The following IL1RAP variants were observed in gnomAD, a reference collection of about 807,000 sequenced individuals.
IL1RAP encodes interleukin-1 receptor accessory protein.
Under a neutral mutation model 60.7 loss-of-function variants are expected in IL1RAP, and 35 were observed. The observed-to-expected ratio is 0.58, with a 90% confidence interval of 0.44 to 0.76. The LOEUF (loss-of-function observed/expected upper bound fraction) is 0.76. Ranked by LOEUF, IL1RAP falls within the 30% of genes least tolerant of loss-of-function variation. The pLI, the probability that IL1RAP is intolerant of heterozygous loss-of-function variation, is 0.00. For missense variants in IL1RAP, 572 were observed against 693.9 expected (o/e 0.82, Z 1.97); for synonymous variants, 268 against 250.9 (o/e 1.07, Z -0.64).
intron 1 of IL1RAP, chr3:190,516,126 C>T (rs1168062757): frequency 1.3e-5 from 2 of 152,254 alleles, no homozygotes; most frequent in Non-Finnish European, 2.9e-5. Context: ...GCCTCCTTCA[C>T]AGGCCATAGC....
intron 9 of IL1RAP, among the ~76,000 whole-genome samples, chr3:190,643,905 A>G (rs1733829387): frequency 6.6e-6 from 1 of 152,200 alleles, no homozygotes; most frequent in South Asian, 2.1e-4. Context: ...TGGAATGATA[A>G]TTTTCAAAAA....
At position 190,648,318 on chromosome 3, in the gene IL1RAP, A is replaced by C. The variant is rs775891585; in HGVS notation, c.1346-20A>C. 1 of 1,558,000 alleles carries C rather than the reference A, an allele frequency of 6.4e-7. No individual in the cohort carries two copies. Among genetic ancestry groups the C allele is most frequent in the East Asian group, 2.2e-5 (1 of 44,654 alleles). On this transcript the variant is annotated intron_variant, in intron 11 of 11. Coordinates refer to ENST00000447382, the MANE Select transcript of IL1RAP (RefSeq NM_002182.4). ...GAGTTTTTGGCCAACACTAATCCCC[A>C]TGGTTGTTTTCTTTCCCAGTTGTCA... is the stretch of plus-strand genomic sequence containing the variant.
chr3:190,620,339 T>A lies in IL1RAP; in HGVS notation c.602T>A (p.Ile201Asn). The A allele has an allele frequency of 6.2e-7, 1 of 1,607,512 alleles. No homozygotes were observed. Among genetic ancestry groups the A allele is most frequent in the South Asian group, 1.1e-5 (1 of 90,798 alleles). The change falls in exon 6 of 12, where the codon ATT (isoleucine) becomes AAT (asparagine). Residue 201 changes from isoleucine to asparagine, a missense_variant. Physicochemically the swap from Ile to Asn is moderately radical, Grantham distance 149. Coordinates refer to ENST00000447382, the MANE Select transcript of IL1RAP (RefSeq NM_002182.4). ...IPEGMNLSFL[I>N]ALISNNGNYT... ...GAAGGTATGAACTTGAGTTTCCTCA[T>A]TGCCTTAATTTCAAATAATGGAAAT...
At position 190,543,646 on chromosome 3, in the gene IL1RAP, T is replaced by G. The variant is rs375167267; in HGVS notation, c.-88-12484T>G. ...GTATGTGTACACTTGGAGAGGGTAATGAAGGGCATCCCAGGCAGAAGAGAT... is the reference window on the plus strand; with the variant it reads ...GTATGTGTACACTTGGAGAGGGTAAGGAAGGGCATCCCAGGCAGAAGAGAT... On this transcript the variant is annotated intron_variant, in intron 1 of 11. Transcript: ENST00000447382. 5.9e-5 allele frequency among the ~76,000 whole-genome samples: 9 copies of G among 152,204 alleles called. No individual in the cohort carries two copies. In the East Asian group the frequency reaches 9.7e-4, roughly 16 times the overall value.
chr3:190,562,129 C>A (rs1055801665), intron 2 of IL1RAP, among the ~76,000 whole-genome samples: 11 of 152,184 alleles, frequency 7.2e-5, no homozygotes, highest in Admixed American at 5.9e-4. Flanking sequence ...TCTTTATATA[C>A]TATTTTCCAT....
intron 3 of IL1RAP, among the ~76,000 whole-genome samples, chr3:190,566,293 C>T (rs149480635): frequency 1.3e-5 from 2 of 152,198 alleles, no homozygotes; most frequent in Non-Finnish European, 1.5e-5. Flanking sequence ...TATAATGGAA[C>T]GTGTTTGGGT....
At chr3:190,520,517 A>T (rs888529011) in intron 1 of IL1RAP, 1 of 152,180 alleles carries the variant, frequency 6.6e-6, no homozygotes, top group Non-Finnish European at 1.5e-5. Flanking sequence ...ACGGTGAAGG[A>T]TGATGCTGAA....
chr3:190,620,049 C>A (rs1412112056), intron 5 of IL1RAP, among the ~76,000 whole-genome samples: 1 of 152,120 alleles, frequency 6.6e-6, no homozygotes, highest in Non-Finnish European at 1.5e-5. Context: ...TGAAGTCACA[C>A]TTTAGTTTAG....
At chr3:190,627,494 A>G (rs757254201) in intron 8 of IL1RAP, 45 bp downstream of exon 8, 2 of 1,584,738 alleles carry the variant, frequency 1.3e-6, no homozygotes, top group South Asian at 1.2e-5. Context: ...TTGTTTCTCA[A>G]CTTAATGATC....
chr3:190,522,059 G>A (rs564620971), intron 1 of IL1RAP, among the ~76,000 whole-genome samples: 1 of 152,232 alleles, frequency 6.6e-6, no homozygotes, highest in South Asian at 2.1e-4. Flanking sequence ...GGAGACTTGA[G>A]AATGGTAATA....
chr3:190,626,409 G>T, intron 7 of IL1RAP, among the ~76,000 whole-genome samples: 1 of 152,086 alleles, frequency 6.6e-6, no homozygotes, highest in East Asian at 1.9e-4. Context: ...CTAACCTCAT[G>T]TTCCATCTCA....
At chr3:190,525,183 A>G (rs911054248) in intron 1 of IL1RAP, among the ~76,000 whole-genome samples, 1 of 152,178 alleles carries the variant, frequency 6.6e-6, no homozygotes, top group African/African-American at 2.4e-5. Context: ...AAACAGAAGA[A>G]ATAGAAGTGA....
At chr3:190,522,678 G>C (rs920771220) in intron 1 of IL1RAP, among the ~76,000 whole-genome samples, 1 of 151,910 alleles carries the variant, frequency 6.6e-6, no homozygotes, top group Non-Finnish European at 1.5e-5. Flanking sequence ...CCACAATTTG[G>C]CAAACAATTG....
chr3:190,627,381 T>C lies in IL1RAP; in HGVS notation c.834T>C (p.Asn278=). The change falls in exon 8 of 12, where the codon AAT becomes AAC. Residue 278 remains asparagine (N), a synonymous_variant. Coordinates refer to ENST00000447382, the MANE Select transcript of IL1RAP (RefSeq NM_002182.4). ...VYFSFLMDSR[N]EVWWTIDGKK... ...TTAGTTTTCTGATGGATTCTCGCAA[T>C]GAGGTTTGGTGGACCATTGATGGAA... is the stretch of plus-strand genomic sequence containing the variant. 6.2e-7 allele frequency: 1 copy of C among 1,613,614 alleles called. No individual in the cohort carries two copies. The highest frequency in any genetic ancestry group is 8.5e-7 in the Non-Finnish European group (1 of 1,179,692).
intron 1 of IL1RAP, among the ~76,000 whole-genome samples, chr3:190,537,440 T>C (rs1723562072): frequency 6.6e-6 from 1 of 152,142 alleles, no homozygotes; most frequent in African/African-American, 2.4e-5. Flanking sequence ...TATGAAACAT[T>C]TTGGGAAATT....
At chr3:190,598,696 T>C (rs976838834) in intron 3 of IL1RAP, among the ~76,000 whole-genome samples, 2 of 152,160 alleles carry the variant, frequency 1.3e-5, no homozygotes, top group Admixed American at 6.5e-5. Context: ...TCTTCTAATA[T>C]TTCCCATCTA....
Position 190,649,351 on chromosome 3 carries a change from T to C in IL1RAP, c.*646T>C, listed in dbSNP as rs956405101. 1.1e-5 allele frequency: 11 copies of C among 985,296 alleles called. No individual in the cohort carries two copies. In the African/African-American group the frequency reaches 1.6e-4, roughly 14 times the overall value. 61.0% of individuals were successfully genotyped at this position (985,296 alleles called of 1,614,324 possible). A position where few individuals can be genotyped will look rare whatever the true frequency, so the allele number is the denominator to read the frequency against. On this transcript the variant is annotated 3_prime_UTR_variant, in exon 12 of 12. Transcript: ENST00000447382. ...GGTAATTTATGAAATCTATGTAAAC[T>C]TGAAAAATATTTCTTAATTTTTGTT...
chr3:190,583,602 G>A (rs1311836449), intron 3 of IL1RAP, among the ~76,000 whole-genome samples: 7 of 152,176 alleles, frequency 4.6e-5, no homozygotes, highest in African/African-American at 1.7e-4. Flanking sequence ...TAACAGTTAC[G>A]CAAGGTACGA....
intron 11 of IL1RAP, 112 bp downstream of exon 11, chr3:190,645,954 G>A (rs1239951367): frequency 3.1e-5 from 26 of 832,120 alleles, no homozygotes; most frequent in Non-Finnish European, 4.4e-5. Context: ...TTTAATGTCC[G>A]ATGCTCTTTG....
Sources: allele counts gnomAD v4.1 joint callset (sites outside exome capture counted in the v4.1 genomes callset), GRCh38; gene constraint gnomAD v4.1.1; transcripts MANE v1.5; gene names NCBI Gene and HGNC (gene_info 2026-07-23, HGNC 2026-07-21).